Variants in MTUS1 observed in about 807,000 individuals in gnomAD.
The protein encoded by MTUS1 is microtubule associated scaffold protein 1.
Under a neutral mutation model 120.8 loss-of-function variants are expected in MTUS1, and 109 were observed. The observed-to-expected ratio is 0.90, with a 90% confidence interval of 0.77 to 1.06. MTUS1 has a LOEUF of 1.06. MTUS1 is among the 50% of genes least tolerant of loss of function. The pLI, the probability that MTUS1 is intolerant of heterozygous loss-of-function variation, is 0.00. For synonymous variants in MTUS1, 737 were observed against 550.5 expected (o/e 1.34, Z -4.74); for missense variants, 2,210 against 1,486.3 (o/e 1.49, Z -8.01).
chr8:17,675,241 T>C lies in MTUS1; in HGVS notation c.2850A>G (p.Ala950=), dbSNP rs949070755. The part of the protein sequence containing the change: ...IQHLLSEREE[A]LKQHKTLSQE... ...GAGATAGGGTTTTGTGTTGTTTCAG[T>C]GCTTCCTCCCGCTGCGGAAAACACA... Residue 950 remains alanine, a synonymous_variant, in exon 8 of 15, where the codon GCA becomes GCG. Transcript: ENST00000693296. 7.4e-6 allele frequency: 12 copies of C among 1,614,030 alleles called. No individual in the cohort carries two copies. The highest frequency in any genetic ancestry group is 1.3e-5 in the African/African-American group (1 of 74,934).
At chr8:17,672,649 G>A (rs988671678) in intron 8 of MTUS1, among the ~76,000 whole-genome samples, 6 of 152,136 alleles carry the variant, frequency 3.9e-5, no homozygotes, top group East Asian at 3.9e-4. Flanking sequence ...TTCTCCAAAC[G>A]GAGAACGGTT....
intron 6 of MTUS1, among the ~76,000 whole-genome samples, chr8:17,695,108 C>T (rs118110442): frequency 7.1e-4 from 108 of 152,260 alleles, no homozygotes; most frequent in Non-Finnish European, 1.2e-3. Flanking sequence ...GTCACCATGA[C>T]GGCATGAATT....
Position 17,713,199 on chromosome 8 carries a change from A to C in MTUS1, c.2623+15T>G, listed in dbSNP as rs761944498. On this transcript the variant is annotated intron_variant, in intron 6 of 14. Coordinates refer to ENST00000693296, the MANE Select transcript of MTUS1 (RefSeq NM_001363059.2). ...AAAGATTCTTTTTATCGCCATCCAT[A>C]AAGTGGTCACTCACCTGCATTAAGA... is the stretch of plus-strand genomic sequence containing the variant. 26 of 1,587,630 alleles carry C rather than the reference A, an allele frequency of 1.6e-5. No individual in the cohort carries two copies. The highest frequency in any genetic ancestry group is 2.2e-5 in the Non-Finnish European group (25 of 1,159,642).
At chr8:17,765,912 A>C (rs1416238795) in intron 1 of MTUS1, among the ~76,000 whole-genome samples, 1 of 152,158 alleles carries the variant, frequency 6.6e-6, no homozygotes, top group East Asian at 1.9e-4. Flanking sequence ...AAATAGCACC[A>C]AAAATTGGTT....
intron 7 of MTUS1, among the ~76,000 whole-genome samples, chr8:17,678,034 A>G (rs895861231): frequency 2.0e-5 from 3 of 152,174 alleles, no homozygotes; most frequent in Non-Finnish European, 4.4e-5. Context: ...AGATGACCTC[A>G]TCGGATGGGA....
intron 7 of MTUS1, among the ~76,000 whole-genome samples, chr8:17,679,161 G>A (rs1396966028): frequency 1.3e-5 from 2 of 151,564 alleles, no homozygotes; most frequent in African/African-American, 4.8e-5. Flanking sequence ...AGGCTCTAAA[G>A]CCATTTAGAA....
At chr8:17,654,919 T>G in intron 9 of MTUS1, 1 of 507,808 alleles carries the variant, frequency 2.0e-6, no homozygotes, top group Non-Finnish European at 3.5e-6. Context: ...CGAGACTCTG[T>G]CCCCACATGT....
intron 8 of MTUS1, among the ~76,000 whole-genome samples, chr8:17,664,408 T>A (rs538887592): frequency 1.8e-4 from 27 of 151,972 alleles, no homozygotes; most frequent in South Asian, 1.5e-3. Flanking sequence ...CACATACTCC[T>A]TTCCCAGACG....
At chr8:17,787,634 C>G (rs1410947060) in intron 1 of MTUS1, among the ~76,000 whole-genome samples, 1 of 152,250 alleles carries the variant, frequency 6.6e-6, no homozygotes, top group Admixed American at 6.5e-5. Flanking sequence ...TTCTTCGCCT[C>G]ATTTTCCTCA....
intron 1 of MTUS1, among the ~76,000 whole-genome samples, chr8:17,795,822 A>C (rs2052180108): frequency 6.6e-6 from 1 of 151,538 alleles, no homozygotes; most frequent in African/African-American, 2.4e-5. Context: ...TTTTTAGTAG[A>C]GTCGGGTTTC....
chr8:17,676,616 C>A (rs186400432), intron 7 of MTUS1: 153 of 404,072 alleles, frequency 3.8e-4, no homozygotes, highest in Non-Finnish European at 2.4e-4. Flanking sequence ...TTAGACTGAT[C>A]GATTGCCATT....
chr8:17,728,100 T>G (rs1198933947), intron 3 of MTUS1, among the ~76,000 whole-genome samples: 1 of 152,344 alleles, frequency 6.6e-6, no homozygotes, highest in Admixed American at 6.5e-5. Flanking sequence ...TATTATCCTA[T>G]TCTGTAAAAC....
At chr8:17,676,318 G>T (rs1201419280) in intron 7 of MTUS1, 1 of 703,012 alleles carries the variant, frequency 1.4e-6, no homozygotes, top group Admixed American at 2.0e-5. Flanking sequence ...GTTTGCTGCT[G>T]GGGCAGCCCA....
At chr8:17,734,312 T>G (rs2046787045) in intron 3 of MTUS1, 1 of 152,234 alleles carries the variant, frequency 6.6e-6, no homozygotes, top group South Asian at 2.1e-4. Flanking sequence ...TCCACCTTCT[T>G]GAGTTCATCA....
At chr8:17,658,739 C>A (rs1009187536) in intron 8 of MTUS1, among the ~76,000 whole-genome samples, 1 of 152,080 alleles carries the variant, frequency 6.6e-6, no homozygotes, top group African/African-American at 2.4e-5. Context: ...GCCTAAGGAA[C>A]GTGAAAATGG....
chr8:17,695,914 G>A (rs1206037581), intron 6 of MTUS1, among the ~76,000 whole-genome samples: 3 of 152,070 alleles, frequency 2.0e-5, no homozygotes, highest in East Asian at 3.9e-4. Context: ...AGGGACTCTG[G>A]GTAAGAGAGA....
chr8:17,770,671 G>A (rs1441767472), intron 1 of MTUS1: 2 of 152,198 alleles, frequency 1.3e-5, no homozygotes, highest in East Asian at 3.8e-4. Context: ...CAGTAATAGG[G>A]CTGAGTGTAA....
intron 6 of MTUS1, among the ~76,000 whole-genome samples, chr8:17,689,342 C>A (rs1289305835): frequency 1.3e-5 from 2 of 152,026 alleles, no homozygotes; most frequent in African/African-American, 4.8e-5. Flanking sequence ...GTTGCAATAG[C>A]TCATATTATA....
chr8:17,799,085 C>G (rs150562875), intron 1 of MTUS1, among the ~76,000 whole-genome samples: 15 of 151,828 alleles, frequency 9.9e-5, no homozygotes, highest in African/African-American at 3.6e-4. Context: ...AGTATTCTCA[C>G]AGAGAGCTGG....
Sources: allele counts gnomAD v4.1 joint callset (sites outside exome capture counted in the v4.1 genomes callset), GRCh38; gene constraint gnomAD v4.1.1; transcripts MANE v1.5; gene names NCBI Gene and HGNC (gene_info 2026-07-23, HGNC 2026-07-21).